SPTAN1: variants seen among roughly 807,000 people sequenced by gnomAD.
SPTAN1 encodes spectrin alpha chain, non-erythrocytic 1.
In SPTAN1, 61 loss-of-function variants were observed where a neutral mutation model predicts 331.3. That is an observed-to-expected ratio of 0.18 (90% CI 0.15 to 0.23). The LOEUF (loss-of-function observed/expected upper bound fraction) is 0.23. Ranked by LOEUF, SPTAN1 falls within the 10% of genes least tolerant of loss-of-function variation. The probability of loss-of-function intolerance (pLI) is 1.00; values close to 1 mark genes in which losing one functional copy is unlikely to be tolerated. For missense variants in SPTAN1, 2,043 were observed against 3,147.9 expected, an observed-to-expected ratio of 0.65 and a Z score of 8.40; for synonymous variants, 1,153 against 1,173.9, an observed-to-expected ratio of 0.98 and a Z score of 0.36.
At chr9:128,609,807 C>T in intron 37 of SPTAN1, 142 bp downstream of exon 37, 1 of 588,044 alleles carries the variant, frequency 1.7e-6, no homozygotes, top group Non-Finnish European at 2.9e-6. Context: ...TCATCCATTA[C>T]ACTCCATTCA....
Position 128,607,990 on chromosome 9 carries a change from G to A in SPTAN1, c.4285G>A (p.Asp1429Asn), listed in dbSNP as rs1856109245. The A allele has an allele frequency of 6.2e-7, 1 of 1,614,058 alleles. No individual in the cohort carries two copies. The highest frequency in any genetic ancestry group is 1.3e-5 in the African/African-American group (1 of 74,930). ...TGATATTCTTGACCAGGAGCGTGCA[G>A]ACCTGGAGAAGGCCTGGGTTCAGCG... Reference protein sequence around the residue: ...KLDILDQERADLEKAWVQRRM... With the variant: ...KLDILDQERANLEKAWVQRRM... The change falls in exon 33 of 57, where the codon GAC becomes AAC. Residue 1429 changes from aspartate (D) to asparagine (N), a missense_variant. Transcript: ENST00000372739.
chr9:128,611,883 T>A (rs372399781), intron 38 of SPTAN1, 38 bp downstream of exon 38: 2 of 1,613,986 alleles, frequency 1.2e-6, no homozygotes, highest in Non-Finnish European at 1.7e-6. Flanking sequence ...GGGAGGAAGA[T>A]GACCACCGTC....
At chr9:128,587,821 TAC>T (rs1263730605) in intron 20 of SPTAN1, 123 bp downstream of exon 20, 3 of 759,732 alleles carry the variant, frequency 3.9e-6, no homozygotes, top group East Asian at 5.4e-5. Context: ...CACAAAGATT[TAC>T]AGAGTTTAAA....
intron 40 of SPTAN1, among the ~76,000 whole-genome samples, chr9:128,614,765 GA>G (rs1187648301): frequency 4.9e-4 from 74 of 152,004 alleles, no homozygotes; most frequent in Non-Finnish European, 1.2e-4. Context: ...ACAGAGCAAG[GA>G]AAAAAAAGTT....
At chr9:128,607,802 A>G (rs1439876603) in intron 32 of SPTAN1, 50 bp from the exon 33 acceptor site, 16 of 1,612,362 alleles carry the variant, frequency 9.9e-6, no homozygotes, top group African/African-American at 2.7e-5. Flanking sequence ...GGTTGACGTC[A>G]GAGTGGGCAT....
At chr9:128,561,568 C>G (rs1212819989) in intron 1 of SPTAN1, among the ~76,000 whole-genome samples, 1 of 141,332 alleles carries the variant, frequency 7.1e-6, no homozygotes, top group Non-Finnish European at 1.5e-5. Context: ...GAGGCTGAGG[C>G]AGGAGAATGG....
intron 29 of SPTAN1, 23 bp from the exon 30 acceptor site, chr9:128,605,011 A>G: frequency 1.2e-6 from 2 of 1,613,956 alleles, no homozygotes; most frequent in South Asian, 2.2e-5. Context: ...GCATTTCTTA[A>G]CCTGAATGTG....
intron 1 of SPTAN1, among the ~76,000 whole-genome samples, 188 bp from the exon 2 acceptor site, chr9:128,566,550 G>A (rs867448081): frequency 6.6e-6 from 1 of 152,140 alleles, no homozygotes; most frequent in Non-Finnish European, 1.5e-5. Context: ...TGTTGCAGGG[G>A]AATGGATGGC....
In SPTAN1 at chr9:128,624,898, C is replaced by T. The variant is rs980691344; in HGVS notation, c.5993-205C>T. On this transcript the variant is annotated intron_variant, in intron 46 of 56. Transcript: ENST00000372739. ...TAGTAATAGCAACTGAACTAGAAGA[C>T]GGGCTGCAGGGAGCTCGTCATGGCA... The T allele has an allele frequency of 2.5e-4, 156 of 636,012 alleles. 1 individual carries two copies. Among genetic ancestry groups the T allele is most frequent in the Admixed American group, 7.8e-4 (33 of 42,328 alleles). 39.4% of individuals were successfully genotyped at this position (636,012 alleles called of 1,614,324 possible). A position where few individuals can be genotyped will look rare whatever the true frequency, so the allele number is the denominator to read the frequency against.
At chr9:128,578,993 G>A (rs1311851039) in intron 9 of SPTAN1, among the ~76,000 whole-genome samples, 1 of 152,058 alleles carries the variant, frequency 6.6e-6, no homozygotes, top group Non-Finnish European at 1.5e-5. Flanking sequence ...TTAGGAATAA[G>A]TCTAACAAAA....
In SPTAN1 at chr9:128,627,226, C is replaced by T. The variant is rs988130885; in HGVS notation, c.6577-160C>T. 3 of 681,980 alleles carry T rather than the reference C, an allele frequency of 4.4e-6. No homozygotes were observed. The highest frequency in any genetic ancestry group is 3.5e-5 in the African/African-American group (2 of 56,412). 42.2% of individuals were successfully genotyped at this position (681,980 alleles called of 1,614,324 possible). On this transcript the variant is annotated intron_variant, in intron 49 of 56. Coordinates refer to ENST00000372739, the MANE Select transcript of SPTAN1 (RefSeq NM_001130438.3). The surrounding 1 kb of genome is among the most constrained non-coding windows in gnomAD (Gnocchi z 4.9). ...GGGGGTGGGAACAGAGAAAGAACTA[C>T]CAAGTGCTCTGAGCCGGCCTCATGT...
Position 128,581,474 on chromosome 9 carries a change from C to CAA in SPTAN1, c.1462-295_1462-294dup, listed in dbSNP as rs11429372. ...TGCAACAGACCGAGATCCTGTCTCA[C>CAA]AAAAAAAAAAAAAACAAACAAAAAA... is the stretch of plus-strand genomic sequence containing the variant. On this transcript the variant is annotated intron_variant, in intron 11 of 56. Coordinates refer to ENST00000372739, the MANE Select transcript of SPTAN1 (RefSeq NM_001130438.3). Among the ~76,000 whole-genome samples, 874 of 133,360 alleles carry CAA rather than the reference C, an allele frequency of 6.6e-3. 5 individuals are homozygous for CAA. Among genetic ancestry groups the CAA allele is most frequent in the Middle Eastern group, 0.011 (3 of 264 alleles). The allele number at this position is 133,360 out of a possible 152,430, so 87.5% of individuals were successfully genotyped here.
intron 27 of SPTAN1, among the ~76,000 whole-genome samples, chr9:128,600,617 A>G (rs1854984005): frequency 6.6e-6 from 1 of 152,226 alleles, no homozygotes; most frequent in African/African-American, 2.4e-5. Flanking sequence ...TGGCTTAACC[A>G]GAATGGGCCA....
chr9:128,584,627 T>C (rs558590143), intron 17 of SPTAN1, 94 bp from the exon 18 acceptor site: 1 of 1,614,060 alleles, frequency 6.2e-7, no homozygotes. Context: ...ATTTAAATTA[T>C]TGAACTGGAA....
chr9:128,623,414 A>G (rs527701297), intron 45 of SPTAN1, among the ~76,000 whole-genome samples: 1 of 151,840 alleles, frequency 6.6e-6, no homozygotes, highest in East Asian at 1.9e-4. Context: ...TCTATCAAAA[A>G]TAATACTAAT....
chr9:128,598,198 T>A (rs369456354), intron 24 of SPTAN1, among the ~76,000 whole-genome samples: 1 of 151,982 alleles, frequency 6.6e-6, no homozygotes, highest in East Asian at 1.9e-4. Flanking sequence ...TCCGCCCACT[T>A]GGGCCTCCCA....
At position 128,613,420 on chromosome 9, in the gene SPTAN1, C is replaced by T. The variant is rs550790163; in HGVS notation, c.5083C>T (p.Leu1695=). ...LLASEDYGKD[L]ASVNNLLKKH... ...GGCATCCGAAGATTATGGCAAAGAC[C>T]TAGCTTCTGTGAACAACCTGCTGAA... The change falls in exon 40 of 57, where the codon CTA becomes TTA. Residue 1695 remains leucine, a synonymous_variant. Coordinates refer to ENST00000372739, the MANE Select transcript of SPTAN1 (RefSeq NM_001130438.3). The T allele has an allele frequency of 3.0e-5, 48 of 1,614,258 alleles. No individual in the cohort carries two copies. The South Asian group carries it at 5.3e-4, about 18-fold the overall frequency.
intron 37 of SPTAN1, among the ~76,000 whole-genome samples, chr9:128,611,346 C>T (rs1856536611): frequency 6.6e-6 from 1 of 151,992 alleles, no homozygotes; most frequent in African/African-American, 2.4e-5. Context: ...GTCATGCACC[C>T]ATGGTCCCAG....
At chr9:128,599,084 C>A in intron 26 of SPTAN1, 98 bp downstream of exon 26, 1 of 1,196,034 alleles carries the variant, frequency 8.4e-7, no homozygotes, top group South Asian at 1.2e-5. Flanking sequence ...AATTGCTGTT[C>A]CTGAACCTCA....
Sources: gnomAD v4.1 joint callset for allele counts (sites outside exome capture counted in the v4.1 genomes callset) on GRCh38, gnomAD v4.1.1 for gene constraint, Gnocchi (gnomAD v3.1) non-coding constraint, MANE v1.5 for transcripts, NCBI Gene and HGNC (gene_info 2026-07-23, HGNC 2026-07-21) for gene names.